Variants in ARHGAP25 observed in about 807,000 individuals in gnomAD.
ARHGAP25 encodes the protein Rho GTPase activating protein 25, also known as rho GTPase-activating protein 25.
A neutral mutation model predicts 71.0 loss-of-function variants in ARHGAP25; 34 were observed. That is an observed-to-expected ratio of 0.48 (90% CI 0.36 to 0.64). ARHGAP25 has a LOEUF of 0.64. Ranked by LOEUF, ARHGAP25 falls within the 30% of genes least tolerant of loss-of-function variation. The pLI is 0.00. For synonymous variants in ARHGAP25, 282 were observed against 296.5 expected (o/e 0.95, Z 0.50); for missense variants, 706 against 805.1 (o/e 0.88, Z 1.49).
At chr2:68,719,444 GA>G (rs1408470139) in intron 2 of ARHGAP25, among the ~76,000 whole-genome samples, 7 of 140,364 alleles carry the variant, frequency 5.0e-5, no homozygotes, top group African/African-American at 7.8e-5. Flanking sequence ...AAAAAAAAAA[GA>G]AAAAAAACCC....
chr2:68,775,515 A>G (rs1677823258), intron 2 of ARHGAP25, 95 bp downstream of exon 2: 2 of 1,569,118 alleles, frequency 1.3e-6, no homozygotes, highest in Non-Finnish European at 1.7e-6. Flanking sequence ...GGCCTTCTCA[A>G]TAGGACCAGA....
At chr2:68,801,874 G>A (rs1230184969) in intron 4 of ARHGAP25, among the ~76,000 whole-genome samples, 1 of 152,212 alleles carries the variant, frequency 6.6e-6, no homozygotes, top group African/African-American at 2.4e-5. Context: ...CAGGTGGAGA[G>A]TAGGAGGAAG....
At chr2:68,822,147 A>G (rs1039812159) in intron 9 of ARHGAP25, among the ~76,000 whole-genome samples, 193 bp from the exon 10 acceptor site, 2 of 152,186 alleles carry the variant, frequency 1.3e-5, no homozygotes, top group Non-Finnish European at 2.9e-5. Flanking sequence ...TCATCTCTAG[A>G]ACATGGTTCC....
chr2:68,711,887 A>G (rs767786966), intron 2 of ARHGAP25, among the ~76,000 whole-genome samples: 2 of 152,172 alleles, frequency 1.3e-5, no homozygotes, highest in East Asian at 1.9e-4. Context: ...CATGATATAT[A>G]TGTGCCACAT....
chr2:68,796,001 G>A (rs1183236411), intron 4 of ARHGAP25, among the ~76,000 whole-genome samples: 2 of 152,124 alleles, frequency 1.3e-5, no homozygotes, highest in South Asian at 2.1e-4. Context: ...AGTTCCAAAT[G>A]ACTCACTTTG....
At position 68,767,671 on chromosome 2, in the gene ARHGAP25, G is replaced by A. The variant is rs896412926; in HGVS notation, c.62-7550G>A. Among the ~76,000 whole-genome samples the A allele has an allele frequency of 1.3e-5, 2 of 152,092 alleles. No individual in the cohort carries two copies. The highest frequency in any genetic ancestry group is 4.8e-5 in the African/African-American group (2 of 41,414). ...TCCCTAGGTCTCTCCACATGAGCTTGGGTAGCAGCTGGTAAGACGTGGCAG... is the reference window on the plus strand; with the variant it reads ...TCCCTAGGTCTCTCCACATGAGCTTAGGTAGCAGCTGGTAAGACGTGGCAG... On this transcript the variant is annotated intron_variant, in intron 1 of 10. Coordinates refer to ENST00000409202, the MANE Select transcript of ARHGAP25 (RefSeq NM_001007231.3). This position sits in a 1 kb window ranked among gnomAD's most constrained non-coding sequence, Gnocchi z 4.6.
chr2:68,784,194 A>G (rs532628530), intron 3 of ARHGAP25, among the ~76,000 whole-genome samples: 1 of 151,940 alleles, frequency 6.6e-6, no homozygotes, highest in South Asian at 2.1e-4. Flanking sequence ...TCTCTCTCAC[A>G]CACACACACA....
At chr2:68,734,465 C>G (rs1306646254), upstream of ARHGAP25, among the ~76,000 whole-genome samples, 1 of 152,150 alleles carries the variant, frequency 6.6e-6, no homozygotes, top group Non-Finnish European at 1.5e-5. Flanking sequence ...GGAGAGCTTG[C>G]GACATGGTCC....
chr2:68,794,137 G>T (rs1193711706), intron 4 of ARHGAP25, among the ~76,000 whole-genome samples: 1 of 152,106 alleles, frequency 6.6e-6, no homozygotes, highest in Non-Finnish European at 1.5e-5. Flanking sequence ...AAACTTTACT[G>T]AAAGCATTTA....
intron 1 of ARHGAP25, among the ~76,000 whole-genome samples, chr2:68,761,092 A>G (rs528518238): frequency 6.6e-6 from 1 of 152,200 alleles, no homozygotes; most frequent in African/African-American, 2.4e-5. Context: ...ATATATGTGT[A>G]TGGTCAAATG....
At chr2:68,727,164 T>C (rs900941612) in intron 2 of ARHGAP25, among the ~76,000 whole-genome samples, 2 of 152,122 alleles carry the variant, frequency 1.3e-5, no homozygotes, top group Non-Finnish European at 2.9e-5. Context: ...TGGTTACTGG[T>C]TGAGTGCGTC....
intron 2 of ARHGAP25, among the ~76,000 whole-genome samples, chr2:68,727,859 T>C (rs545017299): frequency 1.4e-4 from 21 of 152,218 alleles, no homozygotes; most frequent in Admixed American, 5.9e-4. Flanking sequence ...GAGGGAGAGA[T>C]CTGGTGACAA....
rs573614405 is a variant in ARHGAP25 at position 68,759,139 on chromosome 2, C to T, written c.62-16082C>T. ...AGGGAAATTGATGGAAGAAAGATCCCAAATCAACAACTGAACTTTATAATT... is the reference window on the plus strand; with the variant it reads ...AGGGAAATTGATGGAAGAAAGATCCTAAATCAACAACTGAACTTTATAATT... On this transcript the variant is annotated intron_variant, in intron 1 of 10. Transcript: ENST00000409202. Among the ~76,000 whole-genome samples, 186 of 150,962 alleles carry T rather than the reference C, an allele frequency of 1.2e-3. 1 individual carries two copies. The highest frequency in any genetic ancestry group is 4.4e-3 in the African/African-American group (180 of 41,212).
chr2:68,807,361 A>C lies in ARHGAP25; in HGVS notation c.555A>C (p.Ala185=). ...TGCCCATCCTGGTGGAGAAATGTGCAGAGTTCATCCTGGAGCACGGCCGGA... is the reference window on the plus strand; with the variant it reads ...TGCCCATCCTGGTGGAGAAATGTGCCGAGTTCATCCTGGAGCACGGCCGGA... The part of the protein sequence containing the change: ...HLVPILVEKC[A]EFILEHGRNE... The change falls in exon 5 of 11, where the codon GCA becomes GCC. Residue 185 remains alanine, a synonymous_variant. Coordinates refer to ENST00000409202, the MANE Select transcript of ARHGAP25 (RefSeq NM_001007231.3). The C allele has an allele frequency of 1.2e-6, 2 of 1,614,258 alleles. No homozygotes were observed. The highest frequency in any genetic ancestry group is 1.3e-5 in the African/African-American group (1 of 75,062).
intron 1 of ARHGAP25, among the ~76,000 whole-genome samples, chr2:68,761,021 A>T (rs1276597917): frequency 6.6e-6 from 1 of 152,056 alleles, no homozygotes; most frequent in East Asian, 1.9e-4. Flanking sequence ...GATGAATGGA[A>T]TAGAATAGAT....
At chr2:68,723,788 T>C (rs554618447) in intron 2 of ARHGAP25, among the ~76,000 whole-genome samples, 108 of 152,258 alleles carry the variant, frequency 7.1e-4, no homozygotes, top group Non-Finnish European at 1.2e-3. Flanking sequence ...TATTTCATTT[T>C]GGAAGGAGGA....
intron 4 of ARHGAP25, among the ~76,000 whole-genome samples, chr2:68,791,430 G>A (rs2104409707): frequency 6.6e-6 from 1 of 152,164 alleles, no homozygotes; most frequent in Non-Finnish European, 1.5e-5. Context: ...TCTGTTAGAT[G>A]ATGATCAGCT....
intron 2 of ARHGAP25, among the ~76,000 whole-genome samples, chr2:68,721,718 T>A (rs371301470): frequency 2.0e-5 from 3 of 152,302 alleles, no homozygotes; most frequent in African/African-American, 7.2e-5. Flanking sequence ...AGAAGCTGGG[T>A]GGTGGAGCAG....
At chr2:68,742,448 C>T (rs574628383) in intron 1 of ARHGAP25, among the ~76,000 whole-genome samples, 1 of 152,328 alleles carries the variant, frequency 6.6e-6, no homozygotes, top group South Asian at 2.1e-4. Context: ...ATCCCAGTAT[C>T]ATCGATCGGT....
Sources: allele counts gnomAD v4.1 joint callset (sites outside exome capture counted in the v4.1 genomes callset), GRCh38; gene constraint gnomAD v4.1.1; non-coding constraint Gnocchi (gnomAD v3.1); transcripts MANE v1.5; gene names NCBI Gene and HGNC (gene_info 2026-07-23, HGNC 2026-07-21).